Variants in BANP observed in about 807,000 individuals in gnomAD.
BANP encodes the protein protein BANP.
BANP carries 11 observed loss-of-function variants against 68.1 expected under a neutral mutation model. The observed-to-expected ratio is 0.16, with a 90% CI of 0.10 to 0.27. The LOEUF (loss-of-function observed/expected upper bound fraction) is 0.27, where lower values mean the gene tolerates loss of function less well. Among genes scored for constraint, BANP ranks in the 10% least tolerant of loss-of-function variants. The probability of loss-of-function intolerance (pLI) is 1.00; values close to 1 mark genes in which losing one functional copy is unlikely to be tolerated. For synonymous variants in BANP, 329 were observed against 303.2 expected (o/e 1.09, Z -0.88); for missense variants, 504 against 722.7 (o/e 0.70, Z 3.47).
intron 1 of BANP, among the ~76,000 whole-genome samples, chr16:87,962,890 CAT>C (rs1274131072): frequency 1.3e-5 from 2 of 152,230 alleles, no homozygotes; most frequent in Admixed American, 6.5e-5. Context: ...GACTTCTTCA[CAT>C]GTCTCAGTTT....
In BANP at chr16:88,018,257, C is replaced by T. The variant is rs939711434; in HGVS notation, c.656-171C>T. Among the ~76,000 whole-genome samples, 2 of 152,086 alleles carry T rather than the reference C, an allele frequency of 1.3e-5. No individual in the cohort carries two copies. Among genetic ancestry groups the T allele is most frequent in the African/African-American group, 4.8e-5 (2 of 41,410 alleles). On this transcript the variant is annotated intron_variant, in intron 6 of 13. Coordinates refer to ENST00000682872, the MANE Select transcript of BANP (RefSeq NM_001386991.1). The surrounding 1 kb of genome is among the most constrained non-coding windows in gnomAD (Gnocchi z 7.7). ...TGTTCCGCGTCAGTTCTTTCTTGGGCAGCAGTCGGAGGCTCCAGCGCTCTT... is the reference window on the plus strand; with the variant it reads ...TGTTCCGCGTCAGTTCTTTCTTGGGTAGCAGTCGGAGGCTCCAGCGCTCTT...
At chr16:88,059,705 G>C (rs1803630163) in intron 11 of BANP, among the ~76,000 whole-genome samples, 1 of 152,102 alleles carries the variant, frequency 6.6e-6, no homozygotes. Context: ...GGGTGCTTTG[G>C]GGCTTCCCGA....
intron 1 of BANP, among the ~76,000 whole-genome samples, chr16:87,961,702 T>C (rs189571982): frequency 2.2e-4 from 33 of 152,352 alleles, no homozygotes; most frequent in Middle Eastern, 6.8e-3. Context: ...TTGAAACTCA[T>C]GTTGAAAGCT....
chr16:87,962,246 A>AAAG (rs1449226701), intron 1 of BANP, among the ~76,000 whole-genome samples: 1 of 150,074 alleles, frequency 6.7e-6, no homozygotes, highest in Non-Finnish European at 1.5e-5. Context: ...TCTCAAAAAA[A>AAAG]AAAAAAAAAA....
chr16:88,065,840 C>T (rs951136144), intron 12 of BANP, among the ~76,000 whole-genome samples: 4 of 152,082 alleles, frequency 2.6e-5, no homozygotes, highest in Non-Finnish European at 4.4e-5. Flanking sequence ...ACCCTGATCC[C>T]GGGAGGCCCA....
chr16:87,975,023 C>T (rs2061763136), intron 1 of BANP, 25 bp from the exon 2 acceptor site: 2 of 1,074,478 alleles, frequency 1.9e-6, no homozygotes, highest in South Asian at 1.3e-5. Context: ...ATGTCCTCTC[C>T]TCCTCCTTTG....
chr16:88,007,344 C>T (rs1029054199), intron 6 of BANP, among the ~76,000 whole-genome samples: 5 of 152,182 alleles, frequency 3.3e-5, no homozygotes, highest in Non-Finnish European at 7.3e-5. Context: ...ATGCATTGCC[C>T]ATTTCCCCCG....
intron 12 of BANP, among the ~76,000 whole-genome samples, chr16:88,066,823 GC>G (rs1371404677): frequency 1.3e-5 from 2 of 152,150 alleles, no homozygotes; most frequent in African/African-American, 4.8e-5. Flanking sequence ...TCCCAGCGGT[GC>G]GGGCGCTCCC....
intron 1 of BANP, among the ~76,000 whole-genome samples, chr16:87,955,521 A>G (rs1260776659): frequency 6.6e-6 from 1 of 152,192 alleles, no homozygotes; most frequent in Admixed American, 6.5e-5. Flanking sequence ...TATTGCGTAA[A>G]TGACAGACCT....
At chr16:88,067,611 T>G (rs1413370829) in intron 12 of BANP, among the ~76,000 whole-genome samples, 1 of 152,066 alleles carries the variant, frequency 6.6e-6, no homozygotes, top group Non-Finnish European at 1.5e-5. Flanking sequence ...TTTCCAAATC[T>G]AAGGGGGTCA....
chr16:88,003,619 C>T lies in BANP; in HGVS notation c.363-676C>T, dbSNP rs1200644260. 6.8e-6 allele frequency: 3 copies of T among 443,630 alleles called. No individual in the cohort carries two copies. The highest frequency in any genetic ancestry group is 7.0e-5 in the East Asian group (1 of 14,198). 27.5% of individuals were successfully genotyped at this position (443,630 alleles called of 1,614,324 possible). A position where few individuals can be genotyped will look rare whatever the true frequency, so the allele number is the denominator to read the frequency against. On this transcript the variant is annotated intron_variant, in intron 4 of 13. Coordinates refer to ENST00000682872, the MANE Select transcript of BANP (RefSeq NM_001386991.1). The surrounding 1 kb of genome is among the most constrained non-coding windows in gnomAD (Gnocchi z 6.1). The stretch of plus-strand genomic sequence containing the variant: ...TAGCTGCCGCCTGTCTGAACACACT[C>T]GTGCTTCCTCCAGGGTGGCGCCAGG...
chr16:87,976,240 G>A (rs1451244464), intron 2 of BANP, among the ~76,000 whole-genome samples: 1 of 152,202 alleles, frequency 6.6e-6, no homozygotes, highest in Non-Finnish European at 1.5e-5. Context: ...ACGGTGACAG[G>A]TTTTCTAGAA....
intron 11 of BANP, among the ~76,000 whole-genome samples, chr16:88,058,590 G>GT (rs1223354705): frequency 6.6e-6 from 1 of 152,204 alleles, no homozygotes; most frequent in Non-Finnish European, 1.5e-5. Context: ...CGTGGCCAAG[G>GT]TTTAATAAAA....
chr16:88,010,771 C>G (rs182904980), intron 6 of BANP, among the ~76,000 whole-genome samples: 134 of 152,296 alleles, frequency 8.8e-4, no homozygotes, highest in Non-Finnish European at 6.9e-4. Context: ...TGTAGCCACG[C>G]TATGCTGTGC....
Position 88,033,169 on chromosome 16 carries a change from A to C in BANP, c.1124A>C (p.Gln375Pro). The C allele has an allele frequency of 6.2e-7, 1 of 1,611,330 alleles. No homozygotes were observed. The highest frequency in any genetic ancestry group is 8.5e-7 in the Non-Finnish European group (1 of 1,177,924). Residue 375 changes from glutamine (Q) to proline (P), a missense_variant, in exon 9 of 14, where the codon CAG (glutamine) becomes CCG (proline). By Grantham distance (76) the Gln-to-Pro change is moderately conservative. This residue lies in a region of BANP where 223 missense variants were observed against 246.2 expected (regional missense o/e 0.91). Transcript: ENST00000682872. ...SELPQPQPQP[Q>P]ALHYALANAQ... is the part of the protein sequence containing the mutation. ...CTCCCGCAGCCACAGCCGCAGCCGC[A>C]GGCCCTGCACTACGCGCTGGCCAAC... is the stretch of plus-strand genomic sequence containing the variant.
chr16:88,024,886 A>G (rs900158627), intron 7 of BANP, among the ~76,000 whole-genome samples: 1 of 152,210 alleles, frequency 6.6e-6, no homozygotes, highest in Non-Finnish European at 1.5e-5. Flanking sequence ...GATTTTTACA[A>G]AGTTGAATTT....
intron 11 of BANP, among the ~76,000 whole-genome samples, chr16:88,044,781 A>C (rs746014557): frequency 1.1e-4 from 16 of 152,216 alleles, no homozygotes; most frequent in Non-Finnish European, 2.1e-4. Context: ...CAGGAGATCG[A>C]GACCATGCTG....
In BANP at chr16:88,076,768, C is replaced by G. The variant is rs1184647411; in HGVS notation, c.*107C>G. 8.7e-6 allele frequency: 8 copies of G among 921,956 alleles called. No individual in the cohort carries two copies. Among genetic ancestry groups the G allele is most frequent in the Non-Finnish European group, 9.5e-6 (6 of 629,156 alleles). 57.1% of individuals were successfully genotyped at this position (921,956 alleles called of 1,614,324 possible). ...ACAGGCAGCGGCTGCACGTGTTCTG[C>G]TGAAGTGCGTCTGAAGGCCGCTGCC... On this transcript the variant is annotated 3_prime_UTR_variant, in exon 14 of 14. Transcript: ENST00000682872.
chr16:88,032,245 A>G (rs2078343313), intron 8 of BANP, among the ~76,000 whole-genome samples: 1 of 149,626 alleles, frequency 6.7e-6, no homozygotes. Flanking sequence ...TCTGTTGCCC[A>G]GGCTGGAGTG....
Sources: allele counts gnomAD v4.1 joint callset (sites outside exome capture counted in the v4.1 genomes callset), GRCh38; gene constraint gnomAD v4.1.1; regional missense constraint gnomAD v4.1.1; non-coding constraint Gnocchi (gnomAD v3.1); transcripts MANE v1.5; gene names NCBI Gene and HGNC (gene_info 2026-07-23, HGNC 2026-07-21).